Variants in TNFRSF11A observed in about 807,000 individuals in gnomAD.
TNFRSF11A encodes TNF receptor superfamily member 11a, also known as tumor necrosis factor receptor superfamily member 11A.
A neutral mutation model predicts 55.7 loss-of-function variants in TNFRSF11A; 32 were observed. The observed-to-expected ratio is 0.57, with a 90% CI of 0.43 to 0.77. The LOEUF is 0.77. TNFRSF11A is among the 30% of genes least tolerant of loss of function. The pLI is 0.00. For synonymous variants in TNFRSF11A, 311 were observed against 331.0 expected (o/e 0.94, Z 0.65); for missense variants, 753 against 809.8 (o/e 0.93, Z 0.85).
chr18:62,328,807 T>C (rs1391118640), intron 1 of TNFRSF11A, among the ~76,000 whole-genome samples: 2 of 152,212 alleles, frequency 1.3e-5, no homozygotes, highest in African/African-American at 4.8e-5. Flanking sequence ...TTCAAATGCC[T>C]CCCCTGTTAT....
chr18:62,349,173 T>TTTTTTTC (rs1421886374), intron 2 of TNFRSF11A, among the ~76,000 whole-genome samples: 1 of 151,792 alleles, frequency 6.6e-6, no homozygotes, highest in Non-Finnish European at 1.5e-5. Context: ...TTCCTTTTTT[T>TTTTTTTC]TTTTTTTCTT....
intron 9 of TNFRSF11A, 96 bp from the exon 10 acceptor site, chr18:62,384,655 G>C: frequency 6.8e-7 from 1 of 1,466,884 alleles, no homozygotes; most frequent in Non-Finnish European, 9.3e-7. Flanking sequence ...GGGAATCCGG[G>C]GAGCCGCCCT....
intron 9 of TNFRSF11A, among the ~76,000 whole-genome samples, chr18:62,370,144 C>G (rs1169987920): frequency 6.6e-6 from 1 of 152,174 alleles, no homozygotes; most frequent in Non-Finnish European, 1.5e-5. Flanking sequence ...ATCACTGCAA[C>G]ACTGCCTGAG....
At chr18:62,351,591 A>C (rs1365694093) in intron 3 of TNFRSF11A, among the ~76,000 whole-genome samples, 1 of 152,226 alleles carries the variant, frequency 6.6e-6, no homozygotes, top group Non-Finnish European at 1.5e-5. Context: ...ATGCTTTATG[A>C]AGATAAACTT....
At chr18:62,341,836 C>CTTTTTTTTTTTTTTT (rs34047775) in intron 1 of TNFRSF11A, among the ~76,000 whole-genome samples, 1 of 85,216 alleles carries the variant, frequency 1.2e-5, no homozygotes, top group Non-Finnish European at 2.1e-5. Context: ...CTGAGAATGG[C>CTTTTTTTTTTTTTTT]TTTTTTTTTT....
intron 1 of TNFRSF11A, among the ~76,000 whole-genome samples, chr18:62,332,720 T>A (rs1301158575): frequency 1.3e-5 from 2 of 152,170 alleles, no homozygotes; most frequent in East Asian, 3.9e-4. Flanking sequence ...AACCTCTTTG[T>A]AAACTTTTTT....
rs7236029 is a variant in TNFRSF11A at position 62,389,828 on chromosome 18, A to G, written c.*4794A>G. 0.12 allele frequency: 17,614 copies of G among 152,248 alleles called. 1,319 individuals carry two copies. The highest frequency in any genetic ancestry group is 0.21 in the African/African-American group (8,630 of 41,510). The allele number at this position is 152,248 out of a possible 1,614,324, so 9.4% of individuals were successfully genotyped here. A position where few individuals can be genotyped will look rare whatever the true frequency, so the allele number is the denominator to read the frequency against. On this transcript the variant is annotated 3_prime_UTR_variant, in exon 10 of 10. Transcript: ENST00000586569. Reference sequence around the variant, plus strand: ...TACTAACCAAGGAGCTGGTGACACTACCCTCTTCCCTGTGTGATAGAAAAT... The same window carrying G: ...TACTAACCAAGGAGCTGGTGACACTGCCCTCTTCCCTGTGTGATAGAAAAT...
chr18:62,335,891 A>G (rs1008445539), intron 1 of TNFRSF11A, among the ~76,000 whole-genome samples: 1 of 152,182 alleles, frequency 6.6e-6, no homozygotes, highest in Non-Finnish European at 1.5e-5. Flanking sequence ...CAAGTATTTG[A>G]ATATTTGCTA....
intron 5 of TNFRSF11A, among the ~76,000 whole-genome samples, chr18:62,358,993 T>A (rs1909474923): frequency 6.6e-6 from 1 of 152,216 alleles, no homozygotes; most frequent in Non-Finnish European, 1.5e-5. Context: ...TGTGAGTAAA[T>A]CTATAGTGGA....
Position 62,366,713 on chromosome 18 carries a change from T to C in TNFRSF11A, c.736T>C (p.Leu246=). Residue 246 remains leucine (L), a synonymous_variant, in exon 8 of 10, where the codon TTG becomes CTG. Transcript: ENST00000586569. The part of the protein sequence containing the change: ...RKKGKALTAN[L]WHWINEACGR... ...CCTTGCTTTGTGTTTTCTAGCTAAT[T>C]TGTGGCACTGGATCAATGAGGCTTG... 6.2e-7 allele frequency: 1 copy of C among 1,614,230 alleles called. No homozygotes were observed. The highest frequency in any genetic ancestry group is 8.5e-7 in the Non-Finnish European group (1 of 1,180,036).
intron 1 of TNFRSF11A, among the ~76,000 whole-genome samples, chr18:62,331,904 G>A (rs367726539): frequency 3.3e-5 from 5 of 152,302 alleles, no homozygotes; most frequent in East Asian, 1.9e-4. Context: ...ACGGAGGCCC[G>A]TCTGGCACCA....
chr18:62,345,893 G>A (rs904092557), intron 1 of TNFRSF11A, among the ~76,000 whole-genome samples: 49 of 152,156 alleles, frequency 3.2e-4, no homozygotes, highest in Admixed American at 3.0e-3. Flanking sequence ...TTGTTTCTTC[G>A]AAGAGGTGTA....
chr18:62,339,962 T>C (rs980600211), intron 1 of TNFRSF11A, among the ~76,000 whole-genome samples: 2 of 152,036 alleles, frequency 1.3e-5, no homozygotes, highest in African/African-American at 4.8e-5. Context: ...AGTTGGAGTT[T>C]TGAATACTTT....
chr18:62,363,783 A>C (rs1909876198), intron 7 of TNFRSF11A, among the ~76,000 whole-genome samples: 1 of 152,214 alleles, frequency 6.6e-6, no homozygotes, highest in African/African-American at 2.4e-5. Context: ...TCAGATGATG[A>C]AGGTCGCTTG....
chr18:62,369,496 C>G lies in TNFRSF11A; in HGVS notation c.1567+12C>G. 1 of 1,602,824 alleles carries G rather than the reference C, an allele frequency of 6.2e-7. No individual in the cohort carries two copies. The highest frequency in any genetic ancestry group is 8.5e-7 in the Non-Finnish European group (1 of 1,179,916). On this transcript the variant is annotated intron_variant, in intron 9 of 9. Coordinates refer to ENST00000586569, the MANE Select transcript of TNFRSF11A (RefSeq NM_003839.4). The stretch of plus-strand genomic sequence containing the variant: ...GTCCCCTGCATCTGGTAAGTGACTT[C>G]CCAGTCTCTCACTTCTGAGCAGAAG...
chr18:62,359,888 G>A, intron 5 of TNFRSF11A, 67 bp from the exon 6 acceptor site: 4 of 1,419,940 alleles, frequency 2.8e-6, no homozygotes, highest in Non-Finnish European at 4.0e-6. Flanking sequence ...GGAGAGTTTT[G>A]CATTTGTTCA....
In TNFRSF11A at chr18:62,348,227, G is replaced by T; in HGVS notation, c.135G>T (p.Arg45=). The T allele has an allele frequency of 6.2e-7, 1 of 1,614,136 alleles. No individual in the cohort carries two copies. The highest frequency in any genetic ancestry group is 8.5e-7 in the Non-Finnish European group (1 of 1,180,030). The change falls in exon 2 of 10, where the codon CGG becomes CGT. Residue 45 remains arginine, a synonymous_variant. Coordinates refer to ENST00000586569, the MANE Select transcript of TNFRSF11A (RefSeq NM_003839.4). ...AGAAGCATTATGAGCATCTGGGACG[G>T]TGCTGTAACAAATGTGAACCAGGTA... ...TSEKHYEHLG[R]CCNKCEPGKY...
At chr18:62,367,524 A>G (rs936747596) in intron 8 of TNFRSF11A, 2 of 152,532 alleles carry the variant, frequency 1.3e-5, no homozygotes, top group Non-Finnish European at 2.9e-5. Context: ...TGATTTGCTT[A>G]CTCTCTGTAT....
intron 9 of TNFRSF11A, among the ~76,000 whole-genome samples, chr18:62,381,031 C>G (rs1600426232): frequency 1.3e-5 from 2 of 152,214 alleles, no homozygotes; most frequent in East Asian, 3.9e-4. Flanking sequence ...TCTCCAACTC[C>G]TGGGCTTAAG....
Sources: allele counts gnomAD v4.1 joint callset (sites outside exome capture counted in the v4.1 genomes callset), GRCh38; gene constraint gnomAD v4.1.1; transcripts MANE v1.5; gene names NCBI Gene and HGNC (gene_info 2026-07-23, HGNC 2026-07-21).